The following PHKB variants were observed in gnomAD, a reference collection of about 807,000 sequenced individuals.
PHKB encodes phosphorylase kinase regulatory subunit beta.
PHKB carries 122 observed loss-of-function variants against 152.1 expected under a neutral mutation model. The observed-to-expected ratio is 0.80, with a 90% confidence interval of 0.69 to 0.93. The LOEUF (loss-of-function observed/expected upper bound fraction) is 0.93. Among genes scored for constraint, PHKB ranks in the 40% least tolerant of loss-of-function variants. The pLI, the probability that PHKB is intolerant of heterozygous loss-of-function variation, is 0.00. For missense variants in PHKB, 1,304 were observed against 1,328.4 expected (o/e 0.98, Z 0.29); for synonymous variants, 436 against 464.9 (o/e 0.94, Z 0.80).
intron 7 of PHKB, chr16:47,548,299 CTTAAA>C (rs1971209095): frequency 6.6e-6 from 1 of 152,102 alleles, no homozygotes; most frequent in Admixed American, 6.6e-5. Flanking sequence ...ATTATTGGGA[CTTAAA>C]TTAAGTAAAG....
At chr16:47,611,789 A>G (rs1473254173) in intron 14 of PHKB, among the ~76,000 whole-genome samples, 1 of 152,170 alleles carries the variant, frequency 6.6e-6, no homozygotes, top group Non-Finnish European at 1.5e-5. Context: ...CTTCAACAAA[A>G]CATGTAATGA....
At chr16:47,560,025 T>A (rs1294132289) in intron 7 of PHKB, among the ~76,000 whole-genome samples, 1 of 152,348 alleles carries the variant, frequency 6.6e-6, no homozygotes, top group East Asian at 1.9e-4. Context: ...AGCAAGTACT[T>A]CCTTCACTGG....
intron 6 of PHKB, among the ~76,000 whole-genome samples, chr16:47,519,482 A>G (rs938220449): frequency 6.6e-6 from 1 of 152,308 alleles, no homozygotes; most frequent in Non-Finnish European, 1.5e-5. Flanking sequence ...TGGAAGACCC[A>G]CTTCTGAGAT....
intron 13 of PHKB, 79 bp downstream of exon 13, chr16:47,596,610 T>C (rs1273946987): frequency 2.2e-6 from 3 of 1,390,154 alleles, no homozygotes; most frequent in East Asian, 2.3e-5. Context: ...TGCTGGTGTT[T>C]ATGTTGGATT....
chr16:47,647,127 A>T (rs1484896591), intron 16 of PHKB, among the ~76,000 whole-genome samples: 1 of 151,384 alleles, frequency 6.6e-6, no homozygotes, highest in Non-Finnish European at 1.5e-5. Context: ...TTATTTATTT[A>T]TTTATTTATT....
At chr16:47,589,946 A>T (rs1262484659) in intron 10 of PHKB, among the ~76,000 whole-genome samples, 3 of 152,076 alleles carry the variant, frequency 2.0e-5, no homozygotes, top group Admixed American at 1.3e-4. Context: ...CACAATGCCC[A>T]GCCCAGCTAA....
chr16:47,566,899 T>C, intron 7 of PHKB: 1 of 652,002 alleles, frequency 1.5e-6, no homozygotes, highest in Non-Finnish European at 2.8e-6. Context: ...TTCTTGAAGG[T>C]CAATAATGGG....
Position 47,699,711 on chromosome 16 carries a change from C to T in PHKB, c.*345C>T, listed in dbSNP as rs757393313. 4.2e-5 allele frequency: 13 copies of T among 312,884 alleles called. No homozygotes were observed. Among genetic ancestry groups the T allele is most frequent in the Non-Finnish European group, 7.4e-5 (12 of 163,038 alleles). The allele number at this position is 312,884 out of a possible 1,614,324, so 19.4% of individuals were successfully genotyped here. A position where few individuals can be genotyped will look rare whatever the true frequency, so the allele number is the denominator to read the frequency against. On this transcript the variant is annotated 3_prime_UTR_variant, in exon 31 of 31. Coordinates refer to ENST00000323584, the MANE Select transcript of PHKB (RefSeq NM_000293.3). ...TTTGCTCTTTGGACTGAATTCTTAC[C>T]ATACTGCCATTAAAATAAATTTGCC...
chr16:47,631,289 G>A (rs1402370380), intron 14 of PHKB, among the ~76,000 whole-genome samples: 1 of 152,144 alleles, frequency 6.6e-6, no homozygotes, highest in Non-Finnish European at 1.5e-5. Flanking sequence ...CTGACTAGAT[G>A]TGTAACCTTT....
chr16:47,475,655 T>C (rs889306249), intron 1 of PHKB, among the ~76,000 whole-genome samples: 6 of 152,218 alleles, frequency 3.9e-5, no homozygotes, highest in Non-Finnish European at 8.8e-5. Context: ...TTTGGTGACA[T>C]TTCTCTTAGC....
At chr16:47,523,689 C>T (rs914865266) in intron 6 of PHKB, among the ~76,000 whole-genome samples, 8 of 152,146 alleles carry the variant, frequency 5.3e-5, no homozygotes, top group East Asian at 1.9e-4. Flanking sequence ...CAGTGGCCCC[C>T]GTGGACACTT....
chr16:47,542,334 C>A (rs1408976468), intron 6 of PHKB, among the ~76,000 whole-genome samples: 1 of 151,996 alleles, frequency 6.6e-6, no homozygotes, highest in Non-Finnish European at 1.5e-5. Flanking sequence ...ATTTCTGAGG[C>A]CTCTGTTCTG....
intron 7 of PHKB, among the ~76,000 whole-genome samples, chr16:47,578,120 G>A (rs192641449): frequency 7.2e-5 from 11 of 152,182 alleles, no homozygotes; most frequent in African/African-American, 1.9e-4. Flanking sequence ...CCTATCTACT[G>A]AACTTTTTAT....
At chr16:47,679,973 C>A (rs1422108783) in intron 26 of PHKB, among the ~76,000 whole-genome samples, 1 of 152,162 alleles carries the variant, frequency 6.6e-6, no homozygotes, top group Non-Finnish European at 1.5e-5. Context: ...GAGTTTTTAG[C>A]ATGAAGTGTT....
intron 1 of PHKB, among the ~76,000 whole-genome samples, chr16:47,490,201 A>G (rs114364232): frequency 0.015 from 2,287 of 152,222 alleles, 58 homozygotes; most frequent in African/African-American, 0.052. Context: ...CAATATTACA[A>G]TCTACAAAGT....
At chr16:47,563,412 T>A (rs1971509459) in intron 7 of PHKB, among the ~76,000 whole-genome samples, 1 of 152,072 alleles carries the variant, frequency 6.6e-6, no homozygotes, top group Admixed American at 6.6e-5. Context: ...AATGAAAACA[T>A]TAATCTCCTT....
intron 7 of PHKB, among the ~76,000 whole-genome samples, chr16:47,570,341 G>A (rs1231238712): frequency 6.6e-6 from 1 of 152,170 alleles, no homozygotes; most frequent in Non-Finnish European, 1.5e-5. Flanking sequence ...GCAAGATTAG[G>A]AAAGTTTTTG....
intron 4 of PHKB, among the ~76,000 whole-genome samples, chr16:47,507,782 G>C (rs1970445838): frequency 6.6e-6 from 1 of 152,200 alleles, no homozygotes; most frequent in Admixed American, 6.5e-5. Flanking sequence ...GCATATGAGT[G>C]TGAGGGACTG....
intron 14 of PHKB, among the ~76,000 whole-genome samples, chr16:47,611,267 T>C (rs1972423327): frequency 6.6e-6 from 1 of 152,256 alleles, no homozygotes; most frequent in Non-Finnish European, 1.5e-5. Context: ...ATGTCTCTCC[T>C]GTGCTGTGGC....
Sources: gnomAD v4.1 joint callset for allele counts (sites outside exome capture counted in the v4.1 genomes callset) on GRCh38, gnomAD v4.1.1 for gene constraint, MANE v1.5 for transcripts, NCBI Gene and HGNC (gene_info 2026-07-23, HGNC 2026-07-21) for gene names.